PCDH9: variants seen among roughly 807,000 people sequenced by gnomAD.
PCDH9 encodes protocadherin-9.
PCDH9 carries 24 observed loss-of-function variants against 70.6 expected under a neutral mutation model. That is an observed-to-expected ratio of 0.34 (90% CI 0.25 to 0.48). PCDH9 has a LOEUF of 0.48. PCDH9 is among the 20% of genes least tolerant of loss of function. PCDH9 has a pLI of 0.99. For synonymous variants in PCDH9, 562 were observed against 558.5 expected (o/e 1.01, Z -0.09); for missense variants, 1,281 against 1,503.6 (o/e 0.85, Z 2.45).
At chr13:66,527,274 A>G (rs1378486740) in intron 4 of PCDH9, among the ~76,000 whole-genome samples, 1 of 152,166 alleles carries the variant, frequency 6.6e-6, no homozygotes, top group Admixed American at 6.5e-5. Context: ...AAAACAAAAA[A>G]AAAAAGAAAA....
chr13:67,112,481 T>G (rs897184422), intron 2 of PCDH9, among the ~76,000 whole-genome samples: 1 of 152,154 alleles, frequency 6.6e-6, no homozygotes, highest in Non-Finnish European at 1.5e-5. Flanking sequence ...TAATCTTGCA[T>G]GGAAGAGATT....
At chr13:66,329,837 TA>T (rs1431804716) in intron 4 of PCDH9, among the ~76,000 whole-genome samples, 1 of 152,192 alleles carries the variant, frequency 6.6e-6, no homozygotes, top group African/African-American at 2.4e-5. Context: ...GCACTATATA[TA>T]TGAATTTTCT....
chr13:66,917,503 A>G (rs1210874858), intron 2 of PCDH9, among the ~76,000 whole-genome samples: 1 of 151,504 alleles, frequency 6.6e-6, no homozygotes, highest in Non-Finnish European at 1.5e-5. Flanking sequence ...ATGAAAATCC[A>G]GATATTATCT....
chr13:67,214,297 A>G (rs1003437143), intron 2 of PCDH9: 6 of 152,230 alleles, frequency 3.9e-5, no homozygotes, highest in African/African-American at 7.2e-5. Flanking sequence ...ACTTTGAGGC[A>G]TTTTAGCTGG....
intron 2 of PCDH9, among the ~76,000 whole-genome samples, chr13:66,927,363 C>A (rs1225623483): frequency 6.6e-6 from 1 of 151,808 alleles, no homozygotes; most frequent in African/African-American, 2.4e-5. Flanking sequence ...ATAGAGGGAA[C>A]GACACACACT....
intron 4 of PCDH9, among the ~76,000 whole-genome samples, chr13:66,358,327 C>A (rs80318120): frequency 6.6e-6 from 1 of 151,894 alleles, no homozygotes; most frequent in South Asian, 2.1e-4. Flanking sequence ...ATTACTCTTT[C>A]TTTAAAAGTG....
chr13:66,725,911 T>C (rs1373602060), intron 3 of PCDH9, among the ~76,000 whole-genome samples: 2 of 152,076 alleles, frequency 1.3e-5, no homozygotes, highest in Non-Finnish European at 2.9e-5. Context: ...GCCTGTAGAG[T>C]TGTAAAGTAG....
intron 4 of PCDH9, among the ~76,000 whole-genome samples, chr13:66,412,888 A>G (rs958029085): frequency 6.6e-6 from 1 of 152,344 alleles, no homozygotes; most frequent in Admixed American, 6.5e-5. Flanking sequence ...TTTTTCAGGG[A>G]AAGTTAAAGG....
At chr13:66,368,820 G>A (rs1367306708) in intron 4 of PCDH9, among the ~76,000 whole-genome samples, 1 of 151,980 alleles carries the variant, frequency 6.6e-6, no homozygotes, top group Non-Finnish European at 1.5e-5. Context: ...CGTCTTACAT[G>A]GATGGCAGCA....
At chr13:67,075,599 C>G (rs2138168728) in intron 2 of PCDH9, among the ~76,000 whole-genome samples, 1 of 152,108 alleles carries the variant, frequency 6.6e-6, no homozygotes, top group East Asian at 1.9e-4. Context: ...TTTACTATCT[C>G]TTTTCACATC....
At chr13:67,185,527 C>G (rs942403792) in intron 2 of PCDH9, among the ~76,000 whole-genome samples, 1 of 152,140 alleles carries the variant, frequency 6.6e-6, no homozygotes, top group Non-Finnish European at 1.5e-5. Context: ...CTATACTTTA[C>G]TTTCAAAATT....
At chr13:66,559,779 G>C (rs1961914126) in intron 4 of PCDH9, among the ~76,000 whole-genome samples, 1 of 112,938 alleles carries the variant, frequency 8.9e-6, no homozygotes, top group Admixed American at 1.3e-4. Context: ...CAGCCTGGGA[G>C]ACAGAGCAAG....
chr13:67,227,768 C>T lies in PCDH9; in HGVS notation c.673G>A (p.Glu225Lys). The T allele has an allele frequency of 6.2e-7, 1 of 1,613,852 alleles. No individual in the cohort carries two copies. Among genetic ancestry groups the T allele is most frequent in the Non-Finnish European group, 8.5e-7 (1 of 1,179,708 alleles). ...KDTYVMKIKV[E>K]DGGTPQKSST... ...GATTTCTGTGGAGTGCCTCCATCCT[C>T]TACTTTGATTTTCATCACATAGGTA... is the stretch of plus-strand genomic sequence containing the variant. Residue 225 changes from glutamate (E) to lysine (K), a missense_variant, in exon 2 of 5, where the codon GAG becomes AAG. By Grantham distance (56) the Glu-to-Lys change is moderately conservative (BLOSUM62 1). This residue lies in a region of PCDH9 where 798 missense variants were observed against 1,003.1 expected (regional missense o/e 0.80). Transcript: ENST00000377865. The surrounding 1 kb of genome is among the most constrained non-coding windows in gnomAD (Gnocchi z 4.6).
At chr13:66,877,452 C>T (rs1390669383) in intron 3 of PCDH9, among the ~76,000 whole-genome samples, 1 of 149,464 alleles carries the variant, frequency 6.7e-6, no homozygotes, top group African/African-American at 2.5e-5. Flanking sequence ...CTTTTAAATT[C>T]AAGGAGAATC....
At chr13:67,208,853 T>C (rs2138075664) in intron 2 of PCDH9, 1 of 152,322 alleles carries the variant, frequency 6.6e-6, no homozygotes, top group Non-Finnish European at 1.5e-5. Context: ...CAGCACCATG[T>C]TTGCTGCCAC....
At chr13:66,535,130 AATG>A (rs1011550696) in intron 4 of PCDH9, among the ~76,000 whole-genome samples, 1 of 152,106 alleles carries the variant, frequency 6.6e-6, no homozygotes, top group Admixed American at 6.6e-5. Context: ...GATTAATAAA[AATG>A]ATAATAATAA....
chr13:66,706,018 C>T (rs918216419), intron 3 of PCDH9, among the ~76,000 whole-genome samples: 15 of 152,050 alleles, frequency 9.9e-5, no homozygotes, highest in African/African-American at 3.6e-4. Context: ...ACTTTGATTG[C>T]GGGAGTATAG....
chr13:66,383,138 CTGA>C (rs1956875475), intron 4 of PCDH9, among the ~76,000 whole-genome samples: 1 of 152,180 alleles, frequency 6.6e-6, no homozygotes, highest in Admixed American at 6.5e-5. Context: ...GCATTATTTT[CTGA>C]TGATCAACAA....
intron 2 of PCDH9, among the ~76,000 whole-genome samples, chr13:66,908,532 C>G (rs1566284259): frequency 6.6e-6 from 1 of 152,162 alleles, no homozygotes; most frequent in African/African-American, 2.4e-5. Flanking sequence ...AAGAAAAGAT[C>G]TCTTAGAACA....
Sources: gnomAD v4.1 joint callset for allele counts (sites outside exome capture counted in the v4.1 genomes callset) on GRCh38, gnomAD v4.1.1 for gene constraint, gnomAD v4.1.1 regional missense constraint, Gnocchi (gnomAD v3.1) non-coding constraint, MANE v1.5 for transcripts, NCBI Gene and HGNC (gene_info 2026-07-23, HGNC 2026-07-21) for gene names.